CACNG5: variants seen among roughly 807,000 people sequenced by gnomAD.
The protein encoded by CACNG5 is voltage-dependent calcium channel gamma-5 subunit.
CACNG5 carries 18 observed loss-of-function variants against 24.8 expected under a neutral mutation model. That is an observed-to-expected ratio of 0.73 (90% CI 0.50 to 1.08). The LOEUF is 1.08. CACNG5 is among the 50% of genes least tolerant of loss of function. CACNG5 has a pLI of 0.00. For missense variants in CACNG5, 349 were observed against 367.9 expected (o/e 0.95, Z 0.42); for synonymous variants, 157 against 149.1 (o/e 1.05, Z -0.39).
intron 1 of CACNG5, among the ~76,000 whole-genome samples, chr17:66,836,146 G>A (rs1481057308): frequency 6.6e-6 from 1 of 152,194 alleles, no homozygotes; most frequent in African/African-American, 2.4e-5. Flanking sequence ...AGGCACGCCG[G>A]TGGTTAAGGA....
intron 1 of CACNG5, among the ~76,000 whole-genome samples, chr17:66,858,803 G>C (rs1976817448): frequency 6.6e-6 from 1 of 152,004 alleles, no homozygotes. Flanking sequence ...TCAGGAGATA[G>C]TAACCACTCT....
At chr17:66,855,223 C>T (rs1339181992) in intron 1 of CACNG5, among the ~76,000 whole-genome samples, 1 of 152,250 alleles carries the variant, frequency 6.6e-6, no homozygotes, top group African/African-American at 2.4e-5. Flanking sequence ...TTCACATAAG[C>T]TGCAATGTTC....
rs748755326 is a variant in CACNG5, at chr17:66,880,615, G to A, written c.342G>A (p.Gly114=). 6.2e-6 allele frequency: 10 copies of A among 1,614,156 alleles called. No individual in the cohort carries two copies. The highest frequency in any genetic ancestry group is 1.7e-4 in the Middle Eastern group (1 of 6,060). The change falls in exon 4 of 6, where the codon GGG becomes GGA. Residue 114 remains glycine (G), a synonymous_variant. Transcript: ENST00000533854. ...TCAGCCTCTTCTTCATGTTCATTGG[G>A]TTTATCCTGAACAACATCGGACACA... ...PLVSLFFMFI[G]FILNNIGHIR...
Position 66,849,671 on chromosome 17 carries a change from C to T in CACNG5, c.-104+14421C>T, listed in dbSNP as rs1389464435. Among the ~76,000 whole-genome samples the T allele has an allele frequency of 2.6e-5, 4 of 152,194 alleles. No homozygotes were observed. The East Asian group carries it at 5.8e-4, about 22-fold the overall frequency. ...TGGGCAGGACACCCCTCTCAGCCTT[C>T]GTGTTCTCACAGGTGAGACGGATCA... On this transcript the variant is annotated intron_variant, in intron 1 of 5. Coordinates refer to ENST00000533854, the MANE Select transcript of CACNG5 (RefSeq NM_145811.3).
rs1003637564 is a variant in CACNG5, at chr17:66,893,151, T to C, written c.*7911T>C. 3.3e-5 allele frequency among the ~76,000 whole-genome samples: 5 copies of C among 152,208 alleles called. No homozygotes were observed. The highest frequency in any genetic ancestry group is 7.3e-5 in the Non-Finnish European group (5 of 68,038). On this transcript the variant is annotated 3_prime_UTR_variant, in exon 6 of 6. Transcript: ENST00000533854. ...ACCGCACAGCTGGTAATATTTGCAC[T>C]GCTCTGCTCTGCAAGTCCTGTTTCA...
At position 66,885,629 on chromosome 17, in the gene CACNG5, T is replaced by G; in HGVS notation, c.*389T>G. 1 of 209,442 alleles carries G rather than the reference T, an allele frequency of 4.8e-6. No homozygotes were observed. 13.0% of individuals were successfully genotyped at this position (209,442 alleles called of 1,614,324 possible). On this transcript the variant is annotated 3_prime_UTR_variant, in exon 6 of 6. Coordinates refer to ENST00000533854, the MANE Select transcript of CACNG5 (RefSeq NM_145811.3). ...GGCCAGCTCTGAGATGCCAAGCTCCTTACACAGATGCAGCTGGACTCGTGC... is the reference window on the plus strand; with the variant it reads ...GGCCAGCTCTGAGATGCCAAGCTCCGTACACAGATGCAGCTGGACTCGTGC...
chr17:66,850,352 C>T (rs1224612519), intron 1 of CACNG5, among the ~76,000 whole-genome samples: 1 of 152,136 alleles, frequency 6.6e-6, no homozygotes, highest in African/African-American at 2.4e-5. Context: ...CTCCACTTAG[C>T]AGTGTATATG....
rs1977380260 is a variant in CACNG5, at chr17:66,894,094, T to A, written c.*8854T>A. Reference sequence around the variant, plus strand: ...TTGTCCTGTGTCCTCGTAAACACCATCCCGCCACCCCTCTCAGGCCCTGCC... The same window carrying A: ...TTGTCCTGTGTCCTCGTAAACACCAACCCGCCACCCCTCTCAGGCCCTGCC... On this transcript the variant is annotated 3_prime_UTR_variant, in exon 6 of 6. Coordinates refer to ENST00000533854, the MANE Select transcript of CACNG5 (RefSeq NM_145811.3). 6.6e-6 allele frequency among the ~76,000 whole-genome samples: 1 copy of A among 152,080 alleles called. No individual in the cohort carries two copies. The highest frequency in any genetic ancestry group is 2.1e-4 in the South Asian group (1 of 4,822).
At chr17:66,870,096 AAAAAGTGTAAAAGAAAGATAATGGTAT>A (rs1176931686) in intron 1 of CACNG5, among the ~76,000 whole-genome samples, 4 of 151,978 alleles carry the variant, frequency 2.6e-5, no homozygotes, top group Non-Finnish European at 5.9e-5. Flanking sequence ...AAAAAAAAAG[AAAAAGTGTAAAAGAAAGATAATGGTAT>A]AAAACAACAA....
chr17:66,861,613 G>GC (rs1976860035), intron 1 of CACNG5, among the ~76,000 whole-genome samples: 1 of 152,212 alleles, frequency 6.6e-6, no homozygotes, highest in South Asian at 2.1e-4. Flanking sequence ...GGCTTCTGAA[G>GC]CCTGGGTCTG....
At chr17:66,845,780 C>T (rs974433977) in intron 1 of CACNG5, among the ~76,000 whole-genome samples, 2 of 152,154 alleles carry the variant, frequency 1.3e-5, no homozygotes, top group Non-Finnish European at 2.9e-5. Context: ...TCTGCCTTGG[C>T]CCAAGAAGAT....
At chr17:66,868,367 G>C (rs924861793) in intron 1 of CACNG5, among the ~76,000 whole-genome samples, 1 of 152,248 alleles carries the variant, frequency 6.6e-6, no homozygotes, top group African/African-American at 2.4e-5. Flanking sequence ...CAGGCTAGCT[G>C]TGGCTTTGCT....
At chr17:66,864,606 A>G (rs1049795067) in intron 1 of CACNG5, among the ~76,000 whole-genome samples, 4 of 152,214 alleles carry the variant, frequency 2.6e-5, no homozygotes, top group African/African-American at 9.6e-5. Context: ...GTTCATTATC[A>G]CCAGAAATGG....
In CACNG5 at chr17:66,893,038, A is replaced by G. The variant is rs1977366119; in HGVS notation, c.*7798A>G. On this transcript the variant is annotated 3_prime_UTR_variant, in exon 6 of 6. Coordinates refer to ENST00000533854, the MANE Select transcript of CACNG5 (RefSeq NM_145811.3). ...CTTATCAGAGTCCTTGGCACATAAT[A>G]GGTATTTTGCAAGCATTATCTCATG... Among the ~76,000 whole-genome samples the G allele has an allele frequency of 6.6e-6, 1 of 152,198 alleles. No homozygotes were observed.
chr17:66,852,501 G>C (rs1976719737), intron 1 of CACNG5, among the ~76,000 whole-genome samples: 1 of 151,968 alleles, frequency 6.6e-6, no homozygotes, highest in Non-Finnish European at 1.5e-5. Flanking sequence ...GTTTTACTTG[G>C]CAAGTTTTAC....
At chr17:66,837,044 C>T (rs1185821567) in intron 1 of CACNG5, among the ~76,000 whole-genome samples, 1 of 152,258 alleles carries the variant, frequency 6.6e-6, no homozygotes, top group Non-Finnish European at 1.5e-5. Context: ...GGCCAACTTA[C>T]AGAATGCTTG....
At chr17:66,859,980 G>C (rs1976832309) in intron 1 of CACNG5, among the ~76,000 whole-genome samples, 1 of 152,186 alleles carries the variant, frequency 6.6e-6, no homozygotes, top group South Asian at 2.1e-4. Flanking sequence ...AGGAGAAAAG[G>C]ACTTGAATCT....
chr17:66,889,807 G>C lies in CACNG5; in HGVS notation c.*4567G>C, dbSNP rs1977316335. On this transcript the variant is annotated 3_prime_UTR_variant, in exon 6 of 6. Coordinates refer to ENST00000533854, the MANE Select transcript of CACNG5 (RefSeq NM_145811.3). ...AGTGTCCACTGATTTAAATGTTAGTGTCATCCAAAACACACCTTCACAGGA... is the reference window on the plus strand; with the variant it reads ...AGTGTCCACTGATTTAAATGTTAGTCTCATCCAAAACACACCTTCACAGGA... Among the ~76,000 whole-genome samples the C allele has an allele frequency of 6.6e-6, 1 of 152,190 alleles. No homozygotes were observed. The highest frequency in any genetic ancestry group is 1.5e-5 in the Non-Finnish European group (1 of 68,038).
intron 1 of CACNG5, among the ~76,000 whole-genome samples, chr17:66,842,643 C>T (rs1257231459): frequency 6.6e-6 from 1 of 152,182 alleles, no homozygotes; most frequent in Non-Finnish European, 1.5e-5. Flanking sequence ...AGAGGCAGGA[C>T]CCACAGCTCT....
Sources: allele counts gnomAD v4.1 joint callset (sites outside exome capture counted in the v4.1 genomes callset), GRCh38; gene constraint gnomAD v4.1.1; transcripts MANE v1.5; gene names NCBI Gene and HGNC (gene_info 2026-07-23, HGNC 2026-07-21).